Variants in NFX1 observed in about 807,000 individuals in gnomAD.
NFX1 encodes the protein transcriptional repressor NF-X1.
A neutral mutation model predicts 137.2 loss-of-function variants in NFX1; 69 were observed. That is an observed-to-expected ratio of 0.50 (90% CI 0.41 to 0.61). NFX1 has a LOEUF of 0.61. Ranked by LOEUF, NFX1 falls within the 20% of genes least tolerant of loss-of-function variation. NFX1 has a pLI of 0.00. For missense variants in NFX1, 1,167 were observed against 1,391.0 expected (o/e 0.84, Z 2.56); for synonymous variants, 495 against 474.1 (o/e 1.04, Z -0.57).
rs186208753 is a variant in NFX1, at chr9:33,347,886, T to C, written c.2424+769T>C. 1.5e-4 allele frequency: 25 copies of C among 164,024 alleles called. 1 individual carries two copies. The East Asian group carries it at 2.2e-3, about 14-fold the overall frequency. 10.2% of individuals were successfully genotyped at this position (164,024 alleles called of 1,614,324 possible). ...ATAATGGCATTCACAGCAACCTGGA[T>C]GGATTTGGAGACCATTATTCTAAGT... On this transcript the variant is annotated intron_variant, in intron 15 of 23. Coordinates refer to ENST00000379540, the MANE Select transcript of NFX1 (RefSeq NM_002504.6).
At position 33,328,568 on chromosome 9, in the gene NFX1, G is replaced by A. The variant is rs767975109; in HGVS notation, c.1907-13G>A. The A allele has an allele frequency of 8.2e-6, 13 of 1,592,364 alleles. No individual in the cohort carries two copies. Among genetic ancestry groups the A allele is most frequent in the East Asian group, 6.8e-5 (3 of 44,440 alleles). On this transcript the variant is annotated splice_polypyrimidine_tract_variant and intron_variant, in intron 9 of 23. Transcript: ENST00000379540. Reference sequence around the variant, plus strand: ...GCAGTTTTCATTTCCAGCTCTTTTCGTTTTTATTAAAGATTTCATTCATAC... The same window carrying A: ...GCAGTTTTCATTTCCAGCTCTTTTCATTTTTATTAAAGATTTCATTCATAC...
rs766975571 is a variant in NFX1 at position 33,354,863 on chromosome 9, T to C, written c.2844T>C (p.Asp948=). The change falls in exon 19 of 24, where the codon GAT becomes GAC. Residue 948 remains aspartate, a synonymous_variant. Transcript: ENST00000379540. ...TTTGCTTATCAAGGCTGGAGTGTGA[T>C]GAGGAGTGTTCAGCCTTGGAAAGGA... ...KEVHQARLEC[D]EECSALERKK... The C allele has an allele frequency of 1.2e-6, 2 of 1,614,042 alleles. No homozygotes were observed. The highest frequency in any genetic ancestry group is 1.3e-5 in the African/African-American group (1 of 75,026).
chr9:33,311,708 G>A (rs892344413), intron 6 of NFX1, among the ~76,000 whole-genome samples: 6 of 151,990 alleles, frequency 3.9e-5, no homozygotes, highest in African/African-American at 1.2e-4. Flanking sequence ...GCCTGCCACC[G>A]CACCTGGCTA....
chr9:33,352,091 T>C (rs1823657683), intron 16 of NFX1, among the ~76,000 whole-genome samples: 1 of 152,206 alleles, frequency 6.6e-6, no homozygotes, highest in Non-Finnish European at 1.5e-5. Flanking sequence ...TAAATGTCTT[T>C]TGTGCAAGAC....
chr9:33,334,937 G>A (rs755546276), intron 11 of NFX1, among the ~76,000 whole-genome samples: 1 of 152,068 alleles, frequency 6.6e-6, no homozygotes, highest in Non-Finnish European at 1.5e-5. Context: ...GAATCCCCAC[G>A]TACCTATGAC....
At chr9:33,358,647 ATTTTTTTTTTTTTTTTT>A (rs61589629) in intron 19 of NFX1, among the ~76,000 whole-genome samples, 2 of 48,470 alleles carry the variant, frequency 4.1e-5, no homozygotes, top group African/African-American at 8.6e-5. Flanking sequence ...GAATGGCTTG[ATTTTTTTTTTTTTTTTT>A]TTTTTTTTTT....
intron 15 of NFX1, among the ~76,000 whole-genome samples, chr9:33,351,094 C>T (rs540275778): frequency 3.8e-4 from 58 of 152,236 alleles, no homozygotes; most frequent in African/African-American, 1.3e-3. Context: ...CAGTGAGCCC[C>T]GAGATTGGCG....
intron 12 of NFX1, among the ~76,000 whole-genome samples, chr9:33,339,578 T>C (rs1264268934): frequency 6.6e-6 from 1 of 152,132 alleles, no homozygotes; most frequent in Non-Finnish European, 1.5e-5. Context: ...TCAAAACCAA[T>C]CATGCCTTTC....
intron 4 of NFX1, 132 bp downstream of exon 4, chr9:33,303,400 T>A: frequency 1.4e-6 from 1 of 724,722 alleles, no homozygotes; most frequent in Non-Finnish European, 2.3e-6. Context: ...TATAAGACTG[T>A]AATTATGTGG....
At chr9:33,347,796 C>A in intron 15 of NFX1, 1 of 282,454 alleles carries the variant, frequency 3.5e-6, no homozygotes, top group Non-Finnish European at 7.3e-6. Flanking sequence ...CATCAGTCAA[C>A]AAGTGGATAA....
At chr9:33,315,501 G>A (rs1296432034) in intron 7 of NFX1, among the ~76,000 whole-genome samples, 2 of 152,094 alleles carry the variant, frequency 1.3e-5, no homozygotes, top group African/African-American at 4.8e-5. Flanking sequence ...TTCAAAATCA[G>A]CTGTCATATA....
At chr9:33,349,555 A>G (rs1442439895) in intron 15 of NFX1, among the ~76,000 whole-genome samples, 2 of 152,140 alleles carry the variant, frequency 1.3e-5, no homozygotes, top group Admixed American at 1.3e-4. Flanking sequence ...GTTGTGTGTC[A>G]CTGCAGTAGA....
At chr9:33,329,232 T>G (rs1822709310) in intron 10 of NFX1, among the ~76,000 whole-genome samples, 1 of 152,240 alleles carries the variant, frequency 6.6e-6, no homozygotes, top group African/African-American at 2.4e-5. Context: ...TCCGCTTCAG[T>G]GTGTGCCAGC....
intron 4 of NFX1, among the ~76,000 whole-genome samples, chr9:33,306,664 A>T (rs747224012): frequency 5.9e-5 from 9 of 152,166 alleles, no homozygotes; most frequent in Non-Finnish European, 7.4e-5. Flanking sequence ...TCCATGGAAG[A>T]TGTGCCATGA....
intron 19 of NFX1, among the ~76,000 whole-genome samples, chr9:33,361,798 T>C (rs973097598): frequency 7.0e-6 from 1 of 142,352 alleles, no homozygotes; most frequent in African/African-American, 2.6e-5. Context: ...TCTCCAAAAA[T>C]ATATATATAT....
At chr9:33,344,244 C>A (rs1823330233) in intron 14 of NFX1, 56 bp downstream of exon 14, 6 of 1,608,970 alleles carry the variant, frequency 3.7e-6, no homozygotes, top group Middle Eastern at 3.3e-4. Flanking sequence ...CATTTAGGAT[C>A]CTGCTGTGTT....
At chr9:33,297,426 GCTGGTTAATAATTAC>G (rs1341655088) in intron 2 of NFX1, among the ~76,000 whole-genome samples, 4 of 152,214 alleles carry the variant, frequency 2.6e-5, no homozygotes, top group Non-Finnish European at 5.9e-5. Context: ...AATCCTTAAG[GCTGGTTAATAATTAC>G]CTCTTGCTTT....
intron 7 of NFX1, among the ~76,000 whole-genome samples, chr9:33,316,013 C>T (rs1195736226): frequency 2.0e-5 from 3 of 152,174 alleles, no homozygotes; most frequent in South Asian, 4.2e-4. Flanking sequence ...TTCACTGAGA[C>T]GGAGGACTGA....
At chr9:33,304,883 A>G (rs1346733495) in intron 4 of NFX1, among the ~76,000 whole-genome samples, 1 of 152,238 alleles carries the variant, frequency 6.6e-6, no homozygotes, top group Non-Finnish European at 1.5e-5. Flanking sequence ...AGGATTACAT[A>G]AAGTACCACA....
Sources: allele counts gnomAD v4.1 joint callset (sites outside exome capture counted in the v4.1 genomes callset), GRCh38; gene constraint gnomAD v4.1.1; transcripts MANE v1.5; gene names NCBI Gene and HGNC (gene_info 2026-07-23, HGNC 2026-07-21).